ABL2: variants seen among roughly 807,000 people sequenced by gnomAD.
ABL2 encodes tyrosine-protein kinase ABL2.
A neutral mutation model predicts 107.7 loss-of-function variants in ABL2; 49 were observed. That is an observed-to-expected ratio of 0.45 (90% CI 0.36 to 0.58). The LOEUF (loss-of-function observed/expected upper bound fraction) is 0.58, where lower values mean the gene tolerates loss of function less well. ABL2 is among the 20% of genes least tolerant of loss of function. The pLI is 0.00. For synonymous variants in ABL2, 549 were observed against 548.6 expected, an observed-to-expected ratio of 1.00 and a Z score of -0.01; for missense variants, 1,245 against 1,457.0, an observed-to-expected ratio of 0.85 and a Z score of 2.37.
At position 179,102,112 on chromosome 1, in the gene ABL2, C is replaced by T. The variant is rs578135142; in HGVS notation, c.*5606G>A. On this transcript the variant is annotated 3_prime_UTR_variant, in exon 12 of 12. Transcript: ENST00000502732. ...CTGCAAGCTCCGCCTCCTGGGTTCA[C>T]GCCATTCTCCTGCCTCAGCCTCCCC... is the stretch of plus-strand genomic sequence containing the variant. 4.9e-4 allele frequency: 74 copies of T among 152,002 alleles called. No individual in the cohort carries two copies. The highest frequency in any genetic ancestry group is 8.6e-4 in the Non-Finnish European group (62 of 72,420). The allele number at this position is 152,002 out of a possible 1,614,324, so 9.4% of individuals were successfully genotyped here. A position where few individuals can be genotyped will look rare whatever the true frequency, so the allele number is the denominator to read the frequency against.
rs1662109029 is a variant in ABL2 at position 179,208,648 on chromosome 1, T to A, written c.157+20593A>T. 2.0e-5 allele frequency among the ~76,000 whole-genome samples: 3 copies of A among 151,860 alleles called. No homozygotes were observed. The South Asian group carries it at 6.2e-4, about 32-fold the overall frequency. On this transcript the variant is annotated intron_variant, in intron 1 of 11. Transcript: ENST00000502732. ...ATCAAGCTCTGCAACCTACTAGCTG[T>A]GTGGTCTGAAGGCAGAAGACAATCT...
intron 1 of ABL2, among the ~76,000 whole-genome samples, chr1:179,178,304 A>G (rs1660161639): frequency 6.7e-6 from 1 of 150,250 alleles, no homozygotes; most frequent in African/African-American, 2.5e-5. Context: ...AGGCTAAGGT[A>G]AGAGGATTGC....
At chr1:179,135,312 A>G (rs1193696444) in intron 1 of ABL2, among the ~76,000 whole-genome samples, 1 of 144,616 alleles carries the variant, frequency 6.9e-6, no homozygotes, top group Middle Eastern at 3.5e-3. Flanking sequence ...CCGCCATCAC[A>G]TCTGGGAAGT....
At chr1:179,223,049 G>A (rs1413104192) in intron 1 of ABL2, among the ~76,000 whole-genome samples, 1 of 147,106 alleles carries the variant, frequency 6.8e-6, no homozygotes, top group Admixed American at 7.0e-5. Context: ...GGAGGAGGTT[G>A]CAGTGAGCCA....
chr1:179,107,794 CCAG>C lies in ABL2; in HGVS notation c.3470_3472del (p.Ala1157del), dbSNP rs1653581014. The stretch of plus-strand genomic sequence containing the variant: ...AAGGACAGGGTTTGTCCCGGGCACA[CCAG>C]CAGCTGCTGAAGAAACCTGTAGCTC... On this transcript the variant is annotated inframe_deletion, in exon 12 of 12. Coordinates refer to ENST00000502732, the MANE Select transcript of ABL2 (RefSeq NM_007314.4). The C allele has an allele frequency of 6.2e-7, 1 of 1,614,220 alleles. No individual in the cohort carries two copies.
intron 1 of ABL2, among the ~76,000 whole-genome samples, chr1:179,182,591 A>C (rs189282764): frequency 1.4e-3 from 218 of 152,318 alleles, no homozygotes; most frequent in Middle Eastern, 0.01. Context: ...TTGCCACAAA[A>C]AGACATGATT....
At chr1:179,191,120 G>A (rs998751346) in intron 1 of ABL2, among the ~76,000 whole-genome samples, 21 of 152,128 alleles carry the variant, frequency 1.4e-4, no homozygotes, top group African/African-American at 4.6e-4. Flanking sequence ...CAGGAAGAAC[G>A]TCACTTTCAG....
In ABL2 at chr1:179,200,039, CTT is replaced by C. The variant is rs55873652; in HGVS notation, c.157+29200_157+29201del. On this transcript the variant is annotated intron_variant, in intron 1 of 11. Transcript: ENST00000502732. ...AGCCACTGCACCTGGCCCCCAATGC[CTT>C]TTTTTTTTTTTTTTTTTTTTTTTAA... 6.4e-3 allele frequency among the ~76,000 whole-genome samples: 539 copies of C among 84,074 alleles called. 5 individuals carry two copies. The highest frequency in any genetic ancestry group is 0.024 in the Middle Eastern group (2 of 84). The allele number at this position is 84,074 out of a possible 152,430, so 55.2% of individuals were successfully genotyped here.
At chr1:179,148,739 A>C (rs893701785) in intron 1 of ABL2, among the ~76,000 whole-genome samples, 15 of 152,100 alleles carry the variant, frequency 9.9e-5, no homozygotes, top group Non-Finnish European at 1.3e-4. Context: ...GTTTCTACTA[A>C]AAATACAAAA....
At position 179,133,941 on chromosome 1, in the gene ABL2, G is replaced by A. The variant is rs146067907; in HGVS notation, c.158-567C>T. Among the ~76,000 whole-genome samples the A allele has an allele frequency of 1.9e-4, 29 of 152,248 alleles. No individual in the cohort carries two copies. The East Asian group carries it at 5.2e-3, about 27-fold the overall frequency. ...ACTTTCTGACTGGGGTGGAGTGCCA[G>A]TAACTGAAACTGTATAAAGCAAAAC... On this transcript the variant is annotated intron_variant, in intron 1 of 11. Coordinates refer to ENST00000502732, the MANE Select transcript of ABL2 (RefSeq NM_007314.4).
intron 1 of ABL2, chr1:179,222,237 TTTTTC>T (rs1265291193): frequency 6.6e-6 from 1 of 152,414 alleles, no homozygotes; most frequent in Non-Finnish European, 1.5e-5. Flanking sequence ...ACTTAACTTT[TTTTTC>T]TTTTGAGACA....
intron 1 of ABL2, among the ~76,000 whole-genome samples, chr1:179,189,214 C>T (rs1276197975): frequency 6.6e-6 from 1 of 152,158 alleles, no homozygotes; most frequent in Non-Finnish European, 1.5e-5. Flanking sequence ...AGGCTCACTG[C>T]AACCTTCGTC....
At chr1:179,130,726 T>TTTTTTTTGTGTG (rs1553220073) in intron 3 of ABL2, among the ~76,000 whole-genome samples, 1 of 142,722 alleles carries the variant, frequency 7.0e-6, no homozygotes, top group African/African-American at 2.6e-5. Flanking sequence ...ATTATTGATT[T>TTTTTTTTGTGTG]TGTGTGTGTG....
At chr1:179,117,634 AG>A in intron 7 of ABL2, 118 bp from the exon 8 acceptor site, 1 of 932,958 alleles carries the variant, frequency 1.1e-6, no homozygotes, top group Non-Finnish European at 1.6e-6. Flanking sequence ...CAAATATGGT[AG>A]TATCTTCTGA....
rs2298068 is a variant in ABL2 at position 179,107,115 on chromosome 1, G to A, written c.*603C>T. The stretch of plus-strand genomic sequence containing the variant: ...TTCCTGCACTAACTGATACACCAGC[G>A]GAAAATAGGACAGAGGCATTCAGAT... On this transcript the variant is annotated 3_prime_UTR_variant, in exon 12 of 12. Coordinates refer to ENST00000502732, the MANE Select transcript of ABL2 (RefSeq NM_007314.4). The A allele has an allele frequency of 7.8e-5, 18 of 231,042 alleles. No individual in the cohort carries two copies. The highest frequency in any genetic ancestry group is 2.2e-4 in the African/African-American group (10 of 45,214). 14.3% of individuals were successfully genotyped at this position (231,042 alleles called of 1,614,324 possible). A position where few individuals can be genotyped will look rare whatever the true frequency, so the allele number is the denominator to read the frequency against.
At position 179,108,697 on chromosome 1, in the gene ABL2, G is replaced by C. The variant is rs1174038945; in HGVS notation, c.2570C>G (p.Ala857Gly). Residue 857 changes from alanine (A) to glycine (G), a missense_variant, in exon 12 of 12, where the codon GCC becomes GGC. Transcript: ENST00000502732. Reference protein sequence around the residue: ...RPKAKLLPRGATALPLRTPSG... With the variant: ...RPKAKLLPRGGTALPLRTPSG... ...GGGTGTTCTGAGAGGAAGAGCTGTGGCTCCTCTGGGCAATAACTTGGCTTT... is the reference window on the plus strand; with the variant it reads ...GGGTGTTCTGAGAGGAAGAGCTGTGCCTCCTCTGGGCAATAACTTGGCTTT... 6.2e-7 allele frequency: 1 copy of C among 1,614,132 alleles called. No homozygotes were observed. The highest frequency in any genetic ancestry group is 8.5e-7 in the Non-Finnish European group (1 of 1,179,986).
intron 1 of ABL2, among the ~76,000 whole-genome samples, chr1:179,209,257 A>T (rs889286061): frequency 3.9e-5 from 6 of 152,218 alleles, no homozygotes; most frequent in Non-Finnish European, 8.8e-5. Context: ...CTGAAGACAC[A>T]GGGACATTGA....
At chr1:179,193,999 T>C (rs567840247) in intron 1 of ABL2, among the ~76,000 whole-genome samples, 1 of 152,276 alleles carries the variant, frequency 6.6e-6, no homozygotes, top group Admixed American at 6.5e-5. Context: ...AACTGGATTT[T>C]CTTCCTAAGT....
chr1:179,219,494 C>A (rs1662760381), intron 1 of ABL2, among the ~76,000 whole-genome samples: 1 of 152,176 alleles, frequency 6.6e-6, no homozygotes, highest in South Asian at 2.1e-4. Flanking sequence ...AACAAATGGG[C>A]CAACTTAGAA....
Sources: gnomAD v4.1 joint callset for allele counts (sites outside exome capture counted in the v4.1 genomes callset) on GRCh38, gnomAD v4.1.1 for gene constraint, MANE v1.5 for transcripts, NCBI Gene and HGNC (gene_info 2026-07-23, HGNC 2026-07-21) for gene names.